NTRK3: variants seen among roughly 807,000 people sequenced by gnomAD.
NTRK3 encodes the protein neurotrophic receptor tyrosine kinase 3, also known as NT-3 growth factor receptor.
In NTRK3, 24 loss-of-function variants were observed where a neutral mutation model predicts 91.7. That is an observed-to-expected ratio of 0.26 (90% CI 0.19 to 0.37). The LOEUF is 0.37. NTRK3 is among the 10% of genes least tolerant of loss of function. NTRK3 has a pLI of 1.00. For missense variants in NTRK3, 880 were observed against 1,068.9 expected, an observed-to-expected ratio of 0.82 and a Z score of 2.46; for synonymous variants, 483 against 404.0, an observed-to-expected ratio of 1.20 and a Z score of -2.34.
chr15:87,881,756 T>A (rs2065269721), intron 17 of NTRK3, among the ~76,000 whole-genome samples: 1 of 151,944 alleles, frequency 6.6e-6, no homozygotes. Flanking sequence ...GTTAGAGAAA[T>A]AATAACAATG....
At chr15:88,110,799 AT>A (rs2051259534) in intron 13 of NTRK3, among the ~76,000 whole-genome samples, 2 of 152,078 alleles carry the variant, frequency 1.3e-5, no homozygotes, top group Admixed American at 1.3e-4. Flanking sequence ...CCCAATTTTC[AT>A]TTCAGAACCA....
At chr15:88,206,606 C>G (rs1419844126) in intron 3 of NTRK3, among the ~76,000 whole-genome samples, 5 of 147,292 alleles carry the variant, frequency 3.4e-5, no homozygotes, top group African/African-American at 7.6e-5. Context: ...TGCAGTGAGC[C>G]GAGATTGCGC....
chr15:88,094,193 G>T (rs1191838650), intron 13 of NTRK3, among the ~76,000 whole-genome samples: 2 of 152,116 alleles, frequency 1.3e-5, no homozygotes, highest in African/African-American at 4.8e-5. Context: ...TCGGCCGGGC[G>T]CGGTGGCTCA....
intron 13 of NTRK3, among the ~76,000 whole-genome samples, chr15:88,112,824 C>T (rs901913278): frequency 6.6e-6 from 1 of 152,200 alleles, no homozygotes; most frequent in Non-Finnish European, 1.5e-5. Context: ...GCCACATCAA[C>T]CTGAGCATTG....
At position 88,066,197 on chromosome 15, in the gene NTRK3, A is replaced by T. The variant is rs375755330; in HGVS notation, c.1397-33152T>A. On this transcript the variant is annotated intron_variant, in intron 13 of 18. Transcript: ENST00000394480. The stretch of plus-strand genomic sequence containing the variant: ...TTCTATTCTCCATAGTCCCTAACTC[A>T]CCCCAGAACAAGGCTAGATATTCAA... Among the ~76,000 whole-genome samples, 16 of 152,186 alleles carry T rather than the reference A, an allele frequency of 1.1e-4. No individual in the cohort carries two copies. In the East Asian group the frequency reaches 3.1e-3, roughly 29 times the overall value.
At chr15:88,026,237 C>T (rs1290004786) in intron 14 of NTRK3, among the ~76,000 whole-genome samples, 1 of 152,102 alleles carries the variant, frequency 6.6e-6, no homozygotes, top group Non-Finnish European at 1.5e-5. Context: ...CGCCACTGCA[C>T]TCCAGCCTGG....
intron 13 of NTRK3, among the ~76,000 whole-genome samples, chr15:88,077,142 A>G (rs1380734276): frequency 6.6e-6 from 1 of 152,138 alleles, no homozygotes; most frequent in Admixed American, 6.5e-5. Context: ...CATTTCTCCA[A>G]GCAGATAAAT....
chr15:87,937,830 A>G (rs1046328396), intron 15 of NTRK3, among the ~76,000 whole-genome samples: 3 of 152,206 alleles, frequency 2.0e-5, no homozygotes, highest in Non-Finnish European at 2.9e-5. Flanking sequence ...TCTTGGAAAT[A>G]AAAGATATGG....
chr15:88,180,623 A>G (rs2046370430), intron 5 of NTRK3, among the ~76,000 whole-genome samples: 1 of 149,242 alleles, frequency 6.7e-6, no homozygotes, highest in Non-Finnish European at 1.5e-5. Flanking sequence ...CAATGATATC[A>G]CTTCCTACTT....
At position 88,235,368 on chromosome 15, in the gene NTRK3, C is replaced by CTG; in HGVS notation, c.248+20537_248+20538insCA. 6.6e-6 allele frequency among the ~76,000 whole-genome samples: 1 copy of CTG among 152,322 alleles called. No individual in the cohort carries two copies. Among genetic ancestry groups the CTG allele is most frequent in the East Asian group, 1.9e-4 (1 of 5,172 alleles). ...CTGGACCCACGCAGTCAGTACCCTGCCGCAGACAGTGGACACTCACTGGTC... is the reference window on the plus strand; with the variant it reads ...CTGGACCCACGCAGTCAGTACCCTGCTGCGCAGACAGTGGACACTCACTGGTC... On this transcript the variant is annotated intron_variant, in intron 3 of 18. Transcript: ENST00000394480. The surrounding 1 kb of genome is among the most constrained non-coding windows in gnomAD (Gnocchi z 5.2).
Position 88,212,224 on chromosome 15 carries a change from G to C in NTRK3, c.249-27925C>G, listed in dbSNP as rs190549863. On this transcript the variant is annotated intron_variant, in intron 3 of 18. Coordinates refer to ENST00000394480, the Ensembl canonical transcript of NTRK3. ...TCTATTAAAAATACAAAAAAAATTA[G>C]CTGGGCATGGTGGCAGGCGCCTGTA... Among the ~76,000 whole-genome samples, 1,509 of 152,168 alleles carry C rather than the reference G, an allele frequency of 9.9e-3. 47 individuals are homozygous for C. The highest frequency in any genetic ancestry group is 0.055 in the Admixed American group (838 of 15,276).
At chr15:88,120,962 AT>A (rs1475684869) in intron 13 of NTRK3, among the ~76,000 whole-genome samples, 1 of 152,224 alleles carries the variant, frequency 6.6e-6, no homozygotes, top group African/African-American at 2.4e-5. Flanking sequence ...CTGATAAACT[AT>A]TATTCTGTTT....
rs147579839 is a variant in NTRK3 at position 88,045,992 on chromosome 15, G to A, written c.1397-12947C>T. Reference sequence around the variant, plus strand: ...TAAGTTCACATTAACAGGTACTAGTGATTAAGACTTCAACATATCTTTTTG... The same window carrying A: ...TAAGTTCACATTAACAGGTACTAGTAATTAAGACTTCAACATATCTTTTTG... On this transcript the variant is annotated intron_variant, in intron 13 of 18. Coordinates refer to ENST00000394480, the Ensembl canonical transcript of NTRK3. Among the ~76,000 whole-genome samples, 359 of 152,350 alleles carry A rather than the reference G, an allele frequency of 2.4e-3. 2 individuals carry two copies. In the Middle Eastern group the frequency reaches 0.027, roughly 12 times the overall value.
chr15:87,894,086 T>C (rs1327738165), intron 17 of NTRK3, among the ~76,000 whole-genome samples: 1 of 152,260 alleles, frequency 6.6e-6, no homozygotes, highest in Non-Finnish European at 1.5e-5. Context: ...ATTCCATGTC[T>C]ATTCACATAG....
At chr15:87,881,626 A>G (rs1400658160) in intron 17 of NTRK3, among the ~76,000 whole-genome samples, 1 of 151,778 alleles carries the variant, frequency 6.6e-6, no homozygotes, top group East Asian at 2.0e-4. Context: ...TCACTGTGTT[A>G]GTCAGGATGG....
rs147399872 is a variant in NTRK3 at position 87,994,174 on chromosome 15, G to A, written c.1585+38683C>T. ...TCACCAGGCAGAAATGCATGGGCTG[G>A]GGAGCGGGAGACATTCCATGTGGCG... On this transcript the variant is annotated intron_variant, in intron 14 of 18. Transcript: ENST00000394480. 3.0e-3 allele frequency among the ~76,000 whole-genome samples: 457 copies of A among 152,184 alleles called. 1 individual carries two copies. The highest frequency in any genetic ancestry group is 9.9e-3 in the African/African-American group (413 of 41,512).
intron 4 of NTRK3, among the ~76,000 whole-genome samples, chr15:88,183,808 C>T (rs1204534732): frequency 6.6e-6 from 1 of 152,142 alleles, no homozygotes; most frequent in East Asian, 1.9e-4. Context: ...CCTCTTTGTT[C>T]CTTGTCCCTC....
intron 14 of NTRK3, among the ~76,000 whole-genome samples, chr15:88,000,315 C>T (rs373378685): frequency 2.6e-5 from 4 of 152,198 alleles, no homozygotes; most frequent in Admixed American, 6.5e-5. Flanking sequence ...TTCTCACAAT[C>T]GAACAAGGAG....
intron 14 of NTRK3, among the ~76,000 whole-genome samples, chr15:88,018,530 A>C (rs1000078041): frequency 6.6e-6 from 1 of 152,204 alleles, no homozygotes. Context: ...GAAATGCCTA[A>C]TCTGTAAAGT....
Sources: gnomAD v4.1 joint callset for allele counts (sites outside exome capture counted in the v4.1 genomes callset) on GRCh38, gnomAD v4.1.1 for gene constraint, Gnocchi (gnomAD v3.1) non-coding constraint, MANE v1.5 for transcripts, NCBI Gene and HGNC (gene_info 2026-07-23, HGNC 2026-07-21) for gene names.